NOL10: variants seen among roughly 807,000 people sequenced by gnomAD.
NOL10 encodes the protein nucleolar protein 10.
A neutral mutation model predicts 103.5 loss-of-function variants in NOL10; 58 were observed. That is an observed-to-expected ratio of 0.56 (90% CI 0.45 to 0.70). The LOEUF is 0.70. NOL10 is among the 30% of genes least tolerant of loss of function. The probability of loss-of-function intolerance (pLI) is 0.00; values close to 1 mark genes in which losing one functional copy is unlikely to be tolerated. For missense variants in NOL10, 763 were observed against 807.3 expected, an observed-to-expected ratio of 0.95 and a Z score of 0.67; for synonymous variants, 287 against 282.5, an observed-to-expected ratio of 1.02 and a Z score of -0.16.
chr2:10,636,645 T>C (rs1413013493), intron 13 of NOL10, among the ~76,000 whole-genome samples: 1 of 151,382 alleles, frequency 6.6e-6, no homozygotes, highest in African/African-American at 2.4e-5. Flanking sequence ...TTAATGAAGC[T>C]GAGGAGTAAG....
intron 9 of NOL10, among the ~76,000 whole-genome samples, chr2:10,659,521 TAA>T (rs113310863): frequency 6.3e-5 from 9 of 142,368 alleles, no homozygotes; most frequent in Admixed American, 1.4e-4. Flanking sequence ...TACAAAAAAT[TAA>T]AAAAAAAAAA....
At chr2:10,656,039 A>G (rs1679826807) in intron 11 of NOL10, among the ~76,000 whole-genome samples, 2 of 152,210 alleles carry the variant, frequency 1.3e-5, no homozygotes, top group South Asian at 4.1e-4. Flanking sequence ...CAAAGGTGAT[A>G]ATAATCCACA....
chr2:10,573,779 C>T (rs1246779212), intron 20 of NOL10, among the ~76,000 whole-genome samples: 3 of 152,028 alleles, frequency 2.0e-5, no homozygotes, highest in Non-Finnish European at 4.4e-5. Context: ...CAAAGTAAAT[C>T]CTGTCCTGTG....
At chr2:10,603,307 T>C (rs1020282147) in intron 14 of NOL10, 150 bp from the exon 15 acceptor site, 2 of 620,646 alleles carry the variant, frequency 3.2e-6, no homozygotes, top group Admixed American at 6.0e-5. Flanking sequence ...TTGATATCTA[T>C]AGAGAACATT....
chr2:10,633,549 A>G lies in NOL10; in HGVS notation c.1026+10771T>C, dbSNP rs1187578790. On this transcript the variant is annotated intron_variant, in intron 13 of 20. Coordinates refer to ENST00000381685, the MANE Select transcript of NOL10 (RefSeq NM_024894.4). ...ACAGCCCATAAGTTATTCCCCATTT[A>G]TGGTGGCAGTGGCTGAGGATTTGGT... Among the ~76,000 whole-genome samples, 4 of 151,748 alleles carry G rather than the reference A, an allele frequency of 2.6e-5. No homozygotes were observed. In the East Asian group the frequency reaches 7.7e-4, roughly 29 times the overall value.
At chr2:10,587,152 TATATACAC>T (rs1336250597) in intron 19 of NOL10, among the ~76,000 whole-genome samples, 6 of 33,542 alleles carry the variant, frequency 1.8e-4, no homozygotes, top group Admixed American at 3.4e-4. Flanking sequence ...TATATATACA[TATATACAC>T]ATATATACAC....
intron 13 of NOL10, among the ~76,000 whole-genome samples, chr2:10,612,612 C>T (rs1676628582): frequency 2.0e-5 from 3 of 152,274 alleles, no homozygotes; most frequent in Middle Eastern, 3.4e-3. Flanking sequence ...AAGCGATTCT[C>T]ATACCTCAGC....
At chr2:10,602,705 T>C in intron 16 of NOL10, 71 bp downstream of exon 16, 1 of 942,084 alleles carries the variant, frequency 1.1e-6, no homozygotes, top group Non-Finnish European at 1.6e-6. Flanking sequence ...GGCAGATTTC[T>C]TTGGAATAAT....
At chr2:10,595,524 T>C (rs1357992864) in intron 17 of NOL10, among the ~76,000 whole-genome samples, 1 of 152,130 alleles carries the variant, frequency 6.6e-6, no homozygotes, top group Non-Finnish European at 1.5e-5. Context: ...CTTGAACTCC[T>C]GGGCTCAAGT....
chr2:10,630,693 C>T (rs1439276371), intron 13 of NOL10, among the ~76,000 whole-genome samples: 2 of 151,936 alleles, frequency 1.3e-5, no homozygotes, highest in African/African-American at 4.8e-5. Flanking sequence ...CCAGCCTGGG[C>T]GAAAGAGCAA....
At chr2:10,639,859 A>T (rs1181152110) in intron 13 of NOL10, among the ~76,000 whole-genome samples, 1 of 152,148 alleles carries the variant, frequency 6.6e-6, no homozygotes, top group Admixed American at 6.5e-5. Context: ...AAATAAAAAT[A>T]AAAAATAAGG....
chr2:10,602,976 T>G, intron 15 of NOL10, 102 bp from the exon 16 acceptor site: 1 of 1,223,122 alleles, frequency 8.2e-7, no homozygotes, highest in Non-Finnish European at 1.2e-6. Flanking sequence ...GCAGATCCCC[T>G]ACAAATCCTA....
chr2:10,615,262 GAAA>G (rs1676772390), intron 13 of NOL10, among the ~76,000 whole-genome samples: 2 of 152,032 alleles, frequency 1.3e-5, no homozygotes, highest in African/African-American at 4.8e-5. Context: ...TTTTAAAAAA[GAAA>G]AACTATTACC....
At chr2:10,626,568 A>G (rs1027070967) in intron 13 of NOL10, among the ~76,000 whole-genome samples, 1 of 152,176 alleles carries the variant, frequency 6.6e-6, no homozygotes, top group African/African-American at 2.4e-5. Flanking sequence ...GGCCATGTTA[A>G]CTAAAGACAT....
chr2:10,641,152 C>G (rs1284077567), intron 13 of NOL10, among the ~76,000 whole-genome samples: 3 of 145,376 alleles, frequency 2.1e-5, no homozygotes, highest in Non-Finnish European at 4.5e-5. Context: ...GAAACCCCAT[C>G]TCTACTAAAA....
intron 4 of NOL10, among the ~76,000 whole-genome samples, chr2:10,674,710 G>T (rs565966447): frequency 6.6e-6 from 1 of 152,128 alleles, no homozygotes; most frequent in Non-Finnish European, 1.5e-5. Context: ...GGTAAAGTGC[G>T]CCTGTAATCC....
At chr2:10,640,567 G>A (rs1370378972) in intron 13 of NOL10, among the ~76,000 whole-genome samples, 1 of 152,118 alleles carries the variant, frequency 6.6e-6, no homozygotes, top group Non-Finnish European at 1.5e-5. Context: ...GGTCTTATAA[G>A]ATAAGCTAAC....
intron 1 of NOL10, among the ~76,000 whole-genome samples, chr2:10,685,322 G>A (rs1022644740): frequency 5.9e-5 from 9 of 151,930 alleles, no homozygotes; most frequent in Non-Finnish European, 1.3e-4. Context: ...GTGAAACCCC[G>A]TCTCTACCAA....
At chr2:10,589,832 A>T (rs956065267) in intron 17 of NOL10, 81 bp from the exon 18 acceptor site, 2 of 833,234 alleles carry the variant, frequency 2.4e-6, no homozygotes, top group African/African-American at 1.8e-5. Context: ...TAAAACACTG[A>T]TTCTATTATA....
Sources: gnomAD v4.1 joint callset for allele counts (sites outside exome capture counted in the v4.1 genomes callset) on GRCh38, gnomAD v4.1.1 for gene constraint, MANE v1.5 for transcripts, NCBI Gene and HGNC (gene_info 2026-07-23, HGNC 2026-07-21) for gene names.